Variants in PDE11A observed in about 807,000 individuals in gnomAD.
PDE11A encodes phosphodiesterase 11A, also known as dual 3',5'-cyclic-AMP and -GMP phosphodiesterase 11A.
PDE11A carries 100 observed loss-of-function variants against 100.5 expected under a neutral mutation model. That is an observed-to-expected ratio of 1.00 (90% confidence interval 0.85 to 1.18). PDE11A has a LOEUF of 1.18. Ranked by LOEUF, PDE11A falls within the 50% of genes most tolerant of loss-of-function variation. The probability of loss-of-function intolerance (pLI) is 0.00; values close to 1 mark genes in which losing one functional copy is unlikely to be tolerated. For synonymous variants in PDE11A, 381 were observed against 420.8 expected, an observed-to-expected ratio of 0.91 and a Z score of 1.16; for missense variants, 1,141 against 1,152.6, an observed-to-expected ratio of 0.99 and a Z score of 0.15.
chr2:177,881,618 G>A (rs1335287377), intron 4 of PDE11A, among the ~76,000 whole-genome samples: 1 of 152,236 alleles, frequency 6.6e-6, no homozygotes, highest in Non-Finnish European at 1.5e-5. Flanking sequence ...TTCTGGAGAT[G>A]TAAATTCATC....
intron 18 of PDE11A, among the ~76,000 whole-genome samples, chr2:177,665,152 G>A (rs1481704931): frequency 6.6e-6 from 1 of 152,022 alleles, no homozygotes; most frequent in Non-Finnish European, 1.5e-5. Flanking sequence ...GATAGTTCTT[G>A]TGAATAATAT....
At chr2:178,030,741 G>T (rs2086535480) in intron 1 of PDE11A, among the ~76,000 whole-genome samples, 1 of 152,132 alleles carries the variant, frequency 6.6e-6, no homozygotes, top group African/African-American at 2.4e-5. Flanking sequence ...AGCCAGGCAT[G>T]GTGGCATGTG....
intron 2 of PDE11A, 77 bp downstream of exon 2, chr2:178,014,225 A>G (rs2086305990): frequency 1.8e-6 from 2 of 1,124,086 alleles, no homozygotes; most frequent in East Asian, 4.7e-5. Context: ...TATTCACATA[A>G]TTCCTGTCTT....
intron 6 of PDE11A, among the ~76,000 whole-genome samples, chr2:177,830,800 A>C (rs1336429994): frequency 1.3e-5 from 2 of 151,838 alleles, no homozygotes; most frequent in East Asian, 3.9e-4. Flanking sequence ...AAAACCTAAG[A>C]ACAGATGACC....
chr2:177,654,091 A>T (rs901534849), intron 19 of PDE11A, among the ~76,000 whole-genome samples: 4 of 152,246 alleles, frequency 2.6e-5, no homozygotes, highest in Non-Finnish European at 4.4e-5. Flanking sequence ...ATCATGCTTA[A>T]TACTATTAAA....
chr2:177,903,163 C>A (rs1245775486), intron 3 of PDE11A, among the ~76,000 whole-genome samples: 1 of 152,124 alleles, frequency 6.6e-6, no homozygotes, highest in Non-Finnish European at 1.5e-5. Flanking sequence ...ACTGACCAAG[C>A]TTTCTCCTGC....
At chr2:177,773,855 A>G (rs2082345064) in intron 9 of PDE11A, among the ~76,000 whole-genome samples, 1 of 152,240 alleles carries the variant, frequency 6.6e-6, no homozygotes, top group Non-Finnish European at 1.5e-5. Context: ...CAGTCCAGGA[A>G]GATGGTAGCA....
At chr2:177,945,551 C>A (rs1337197867) in intron 2 of PDE11A, among the ~76,000 whole-genome samples, 1 of 150,500 alleles carries the variant, frequency 6.6e-6, no homozygotes, top group African/African-American at 2.4e-5. Context: ...CCCAGCCGCC[C>A]CGTCTGAGAA....
At chr2:177,955,068 CTG>C (rs773726335) in intron 2 of PDE11A, among the ~76,000 whole-genome samples, 1 of 152,132 alleles carries the variant, frequency 6.6e-6, no homozygotes, top group Non-Finnish European at 1.5e-5. Context: ...TTCCTGGTCT[CTG>C]TGATCAATTC....
At chr2:177,711,707 T>C (rs1292178484) in intron 13 of PDE11A, 62 bp downstream of exon 13, 1 of 929,264 alleles carries the variant, frequency 1.1e-6, no homozygotes, top group African/African-American at 1.6e-5. Flanking sequence ...TTAGCATTCG[T>C]CACCTTTGGC....
chr2:177,848,541 T>A (rs2083641541), intron 5 of PDE11A, among the ~76,000 whole-genome samples: 1 of 152,206 alleles, frequency 6.6e-6, no homozygotes, highest in African/African-American at 2.4e-5. Flanking sequence ...AGGGCTGTAG[T>A]TTAGATTCTT....
At chr2:177,846,833 C>T (rs2083609138) in intron 5 of PDE11A, among the ~76,000 whole-genome samples, 2 of 152,268 alleles carry the variant, frequency 1.3e-5, no homozygotes, top group South Asian at 2.1e-4. Context: ...GAAAATTGGG[C>T]ATGTAATCTC....
intron 9 of PDE11A, among the ~76,000 whole-genome samples, chr2:177,807,901 C>T (rs1249486941): frequency 1.3e-5 from 2 of 152,140 alleles, no homozygotes; most frequent in Admixed American, 1.3e-4. Context: ...AACTAAAAAA[C>T]AGTTTTTATG....
intron 9 of PDE11A, among the ~76,000 whole-genome samples, chr2:177,798,108 A>G (rs969348151): frequency 1.3e-5 from 2 of 152,010 alleles, no homozygotes; most frequent in East Asian, 3.8e-4. Flanking sequence ...AGTTCTCCCT[A>G]CTTTTACCTA....
chr2:178,012,454 G>A (rs2086284197), intron 2 of PDE11A, among the ~76,000 whole-genome samples: 1 of 152,148 alleles, frequency 6.6e-6, no homozygotes, highest in African/African-American at 2.4e-5. Flanking sequence ...TAACTCTCCT[G>A]CTATAGAGTG....
At chr2:177,661,492 G>A (rs1460122053) in intron 19 of PDE11A, among the ~76,000 whole-genome samples, 2 of 152,162 alleles carry the variant, frequency 1.3e-5, no homozygotes, top group Admixed American at 6.5e-5. Flanking sequence ...AGCACCAACA[G>A]TTAATGTGAG....
intron 5 of PDE11A, among the ~76,000 whole-genome samples, chr2:177,842,755 C>T (rs142924547): frequency 1.3e-5 from 2 of 152,294 alleles, no homozygotes; most frequent in African/African-American, 2.4e-5. Context: ...GGCCAGATAG[C>T]AGTGGCTTAC....
intron 2 of PDE11A, among the ~76,000 whole-genome samples, chr2:177,995,726 T>A (rs1574330503): frequency 6.6e-6 from 1 of 151,446 alleles, no homozygotes; most frequent in East Asian, 2.0e-4. Flanking sequence ...ACCTGAGAAG[T>A]TAAAAATCTT....
rs751982063 is a variant in PDE11A at position 177,773,187 on chromosome 2, A to AT, written c.1738-3815dup. On this transcript the variant is annotated intron_variant, in intron 9 of 19. Coordinates refer to ENST00000286063, the MANE Select transcript of PDE11A (RefSeq NM_016953.4). ...AGGAACACACCACCACGCCCAGGTA[A>AT]TTTTTTTATAGAAACAGGGTTTCAC... Among the ~76,000 whole-genome samples the AT allele has an allele frequency of 9.2e-5, 14 of 152,016 alleles. No individual in the cohort carries two copies. In the East Asian group the frequency reaches 1.9e-3, roughly 21 times the overall value.
Sources: gnomAD v4.1 joint callset for allele counts (sites outside exome capture counted in the v4.1 genomes callset) on GRCh38, gnomAD v4.1.1 for gene constraint, MANE v1.5 for transcripts, NCBI Gene and HGNC (gene_info 2026-07-23, HGNC 2026-07-21) for gene names.